ETFDH: variants seen among roughly 807,000 people sequenced by gnomAD.
ETFDH encodes the protein electron transfer flavoprotein-ubiquinone oxidoreductase, mitochondrial.
ETFDH carries 61 observed loss-of-function variants against 73.2 expected under a neutral mutation model. The observed-to-expected ratio is 0.83, with a 90% CI of 0.68 to 1.03. The LOEUF is 1.03. ETFDH is among the 50% of genes least tolerant of loss of function. ETFDH has a pLI of 0.00. For missense variants in ETFDH, 685 were observed against 745.0 expected, an observed-to-expected ratio of 0.92 and a Z score of 0.94; for synonymous variants, 243 against 253.3, an observed-to-expected ratio of 0.96 and a Z score of 0.39.
chr4:158,707,761 CCTTT>C (rs1332854883), intron 12 of ETFDH, among the ~76,000 whole-genome samples: 6 of 152,282 alleles, frequency 3.9e-5, no homozygotes, highest in Middle Eastern at 3.4e-3. Context: ...TAAAGTGCTT[CCTTT>C]AAGTGAAAGG....
intron 1 of ETFDH, among the ~76,000 whole-genome samples, chr4:158,674,625 G>A (rs374382770): frequency 1.8e-4 from 28 of 152,136 alleles, no homozygotes; most frequent in East Asian, 1.2e-3. Flanking sequence ...TTTAGTATGC[G>A]TAAGTAAGTT....
At chr4:158,689,346 G>T (rs1409645535) in intron 5 of ETFDH, among the ~76,000 whole-genome samples, 4 of 151,802 alleles carry the variant, frequency 2.6e-5, no homozygotes, top group Admixed American at 2.6e-4. Flanking sequence ...ATTGTTGACT[G>T]GAATCGGTGT....
At chr4:158,697,097 T>A (rs1036214705) in intron 7 of ETFDH, among the ~76,000 whole-genome samples, 13 of 152,052 alleles carry the variant, frequency 8.5e-5, no homozygotes, top group African/African-American at 2.9e-4. Context: ...TTTTATTATT[T>A]TTTTATTTTT....
intron 10 of ETFDH, 54 bp from the exon 11 acceptor site, chr4:158,706,135 T>C (rs1774603170): frequency 8.2e-7 from 1 of 1,218,872 alleles, no homozygotes; most frequent in African/African-American, 1.5e-5. Context: ...ACTTAGCGTA[T>C]TTTACACACA....
At chr4:158,706,915 T>C in intron 12 of ETFDH, 65 bp downstream of exon 12, 1 of 1,107,500 alleles carries the variant, frequency 9.0e-7, no homozygotes, top group Non-Finnish European at 1.4e-6. Context: ...TTTTGTTCTT[T>C]TAAAAAATGA....
rs764140532 is a variant in ETFDH at position 158,708,480 on chromosome 4, TG to T, written c.1810del (p.Val604TrpfsTer35). On this transcript the variant is annotated frameshift_variant, in exon 13 of 13. Transcript: ENST00000511912. LOFTEE classifies it high-confidence loss of function. ...TAAAGATCCAAGTCAGAATATTAAC[TG>T]GGTGGTACCTGAAGGTGGAGGAGGA... ...DIKDPSQNINWVVPEGGGGPA... is the reference protein window; with the variant it reads ...DIKDPSQNINXVVPEGGGGPA... The T allele has an allele frequency of 6.2e-7, 1 of 1,613,566 alleles. No individual in the cohort carries two copies. The highest frequency in any genetic ancestry group is 1.3e-5 in the African/African-American group (1 of 75,040).
intron 12 of ETFDH, among the ~76,000 whole-genome samples, chr4:158,707,940 G>T (rs547232358): frequency 6.6e-6 from 1 of 152,294 alleles, no homozygotes; most frequent in South Asian, 2.1e-4. Context: ...CCTTAAGATG[G>T]AAAAGGCATC....
At chr4:158,683,247 A>G (rs774976438) in intron 3 of ETFDH, among the ~76,000 whole-genome samples, 1 of 152,210 alleles carries the variant, frequency 6.6e-6, no homozygotes, top group Non-Finnish European at 1.5e-5. Context: ...TTTGGTTAAA[A>G]TCTTAGATTG....
At chr4:158,707,821 A>G (rs1459961315) in intron 12 of ETFDH, among the ~76,000 whole-genome samples, 1 of 152,242 alleles carries the variant, frequency 6.6e-6, no homozygotes, top group South Asian at 2.1e-4. Flanking sequence ...TGAGGTTGCT[A>G]AGGTCTATGG....
At chr4:158,690,724 G>A (rs1052235295) in intron 6 of ETFDH, among the ~76,000 whole-genome samples, 1 of 151,916 alleles carries the variant, frequency 6.6e-6, no homozygotes, top group African/African-American at 2.4e-5. Flanking sequence ...ACTTAATAAA[G>A]GTCTTGCTAC....
intron 2 of ETFDH, 127 bp downstream of exon 2, chr4:158,680,734 C>T: frequency 1.3e-6 from 1 of 785,924 alleles, no homozygotes. Flanking sequence ...TTTACCAAGT[C>T]ACATGCTGCA....
chr4:158,687,574 C>T (rs566862166), intron 5 of ETFDH, among the ~76,000 whole-genome samples: 12 of 152,264 alleles, frequency 7.9e-5, no homozygotes, highest in African/African-American at 2.6e-4. Context: ...CCTCTTCTTA[C>T]CCCCTTTACA....
At position 158,682,358 on chromosome 4, in the gene ETFDH, T is replaced by G. The variant is rs1312219133; in HGVS notation, c.339T>G (p.Thr113=). 6.2e-7 allele frequency: 1 copy of G among 1,614,106 alleles called. No individual in the cohort carries two copies. The highest frequency in any genetic ancestry group is 2.2e-5 in the East Asian group (1 of 44,880). The stretch of plus-strand genomic sequence containing the variant: ...AAGCTGCCCAGATAGGAGCTCATAC[T>G]CTCTCAGGGGCTTGCCTTGATCCAG... ...VEKAAQIGAH[T]LSGACLDPGA... Residue 113 remains threonine (T), a synonymous_variant, in exon 3 of 13, where the codon ACT becomes ACG. Transcript: ENST00000511912.
chr4:158,706,332 A>G lies in ETFDH; in HGVS notation c.1429A>G (p.Ile477Val). 2 of 1,613,678 alleles carry G rather than the reference A, an allele frequency of 1.2e-6. No individual in the cohort carries two copies. Among genetic ancestry groups the G allele is most frequent in the Non-Finnish European group, 1.7e-6 (2 of 1,179,582 alleles). Residue 477 changes from isoleucine to valine, a missense_variant, in exon 11 of 13, where the codon ATA (isoleucine) becomes GTA (valine). Around this residue, in one of 3 missense-constraint regions of ETFDH, gnomAD observed 201 missense variants for 225.2 expected, o/e 0.89. Transcript: ENST00000511912. ...GATTTACACTGGAATCTTTTACTGGATATTGAGAGGAATGGAGCCGTGGAC... is the reference window on the plus strand; with the variant it reads ...GATTTACACTGGAATCTTTTACTGGGTATTGAGAGGAATGGAGCCGTGGAC... ...GMIYTGIFYW[I>V]LRGMEPWTLK...
intron 8 of ETFDH, 144 bp from the exon 9 acceptor site, chr4:158,698,843 T>C (rs1277855088): frequency 1.7e-6 from 1 of 597,562 alleles, no homozygotes; most frequent in South Asian, 2.3e-5. Context: ...TTAATTTACA[T>C]TTGGATTACT....
In ETFDH at chr4:158,680,449, T is replaced by A. The variant is rs954937309; in HGVS notation, c.35-18T>A. The A allele has an allele frequency of 2.5e-6, 4 of 1,587,130 alleles. No individual in the cohort carries two copies. In the African/African-American group the frequency reaches 5.4e-5, roughly 21 times the overall value. ...ACTAATTTTAAGGAAGATAATAATT[T>A]TCGTAATTTTTGTGCAGCATATCAG... On this transcript the variant is annotated intron_variant, in intron 1 of 12. Coordinates refer to ENST00000511912, the MANE Select transcript of ETFDH (RefSeq NM_004453.4).
At chr4:158,705,274 T>C (rs991912798) in intron 10 of ETFDH, among the ~76,000 whole-genome samples, 2 of 152,238 alleles carry the variant, frequency 1.3e-5, no homozygotes, top group African/African-American at 4.8e-5. Context: ...CCTTGGTCTC[T>C]GCAATCTCAA....
At chr4:158,673,436 C>T (rs1380518987) in intron 1 of ETFDH, among the ~76,000 whole-genome samples, 1 of 152,200 alleles carries the variant, frequency 6.6e-6, no homozygotes, top group East Asian at 1.9e-4. Flanking sequence ...TTAATTCAAA[C>T]AGAAAAGTTC....
At chr4:158,680,311 T>C (rs530680991) in intron 1 of ETFDH, among the ~76,000 whole-genome samples, 156 bp from the exon 2 acceptor site, 1 of 152,260 alleles carries the variant, frequency 6.6e-6, no homozygotes, top group East Asian at 1.9e-4. Flanking sequence ...TTGAAAACAT[T>C]GCTTTATGAG....
Sources: gnomAD v4.1 joint callset for allele counts (sites outside exome capture counted in the v4.1 genomes callset) on GRCh38, gnomAD v4.1.1 for gene constraint, gnomAD v4.1.1 regional missense constraint, MANE v1.5 for transcripts, NCBI Gene and HGNC (gene_info 2026-07-23, HGNC 2026-07-21) for gene names.